Variants in FBXO3 observed in about 807,000 individuals in gnomAD.
The protein encoded by FBXO3 is F-box protein 3, also known as F-box only protein 3.
In FBXO3, 17 loss-of-function variants were observed where a neutral mutation model predicts 64.8. The ratio of observed to expected loss-of-function variants is 0.26; its 90% CI spans 0.18 to 0.39. The LOEUF is 0.39. Among genes scored for constraint, FBXO3 ranks in the 10% least tolerant of loss-of-function variants. The pLI, the probability that FBXO3 is intolerant of heterozygous loss-of-function variation, is 1.00. For synonymous variants in FBXO3, 182 were observed against 201.6 expected (o/e 0.90, Z 0.82); for missense variants, 420 against 589.9 (o/e 0.71, Z 2.98).
chr11:33,773,720 A>C (rs2133630948), intron 1 of FBXO3: 1 of 152,446 alleles, frequency 6.6e-6, no homozygotes, highest in Non-Finnish European at 1.5e-5. Flanking sequence ...GATGCTAGTA[A>C]TGTGGGAAAC....
chr11:33,754,913 T>C (rs897111181), intron 5 of FBXO3, among the ~76,000 whole-genome samples: 2 of 151,230 alleles, frequency 1.3e-5, no homozygotes, highest in Admixed American at 6.6e-5. Context: ...TTGCCCAGGC[T>C]GGAGTGCAGT....
intron 1 of FBXO3, chr11:33,773,245 G>A (rs910846889): frequency 1.6e-4 from 25 of 152,334 alleles, no homozygotes; most frequent in Admixed American, 8.5e-4. Flanking sequence ...GCAATCAAAA[G>A]TTGGAGACTG....
chr11:33,750,172 A>C (rs201766792), intron 8 of FBXO3, among the ~76,000 whole-genome samples: 4 of 149,520 alleles, frequency 2.7e-5, no homozygotes, highest in Non-Finnish European at 6.0e-5. Flanking sequence ...TAGATTTTTT[A>C]ATTGAATATA....
chr11:33,761,559 G>A (rs1855242234), intron 3 of FBXO3, among the ~76,000 whole-genome samples: 1 of 152,166 alleles, frequency 6.6e-6, no homozygotes, highest in African/African-American at 2.4e-5. Context: ...ATAAAATGGG[G>A]AAAAGATATC....
intron 6 of FBXO3, 23 bp downstream of exon 6, chr11:33,754,432 A>AT: frequency 6.4e-7 from 1 of 1,568,004 alleles, no homozygotes; most frequent in Non-Finnish European, 8.6e-7. Flanking sequence ...AGAAGGGGGA[A>AT]AAAAGACTTT....
chr11:33,762,923 G>A (rs750210446), intron 3 of FBXO3, among the ~76,000 whole-genome samples: 2 of 152,046 alleles, frequency 1.3e-5, no homozygotes, highest in Non-Finnish European at 2.9e-5. Context: ...ATTAGAAATG[G>A]AAAAGGTGGT....
chr11:33,768,649 C>A (rs1049953980), intron 3 of FBXO3: 3 of 541,136 alleles, frequency 5.5e-6, no homozygotes, highest in African/African-American at 3.8e-5. Flanking sequence ...TGATAAATAA[C>A]CATGTGGGTC....
chr11:33,769,325 C>A (rs1855454112), intron 2 of FBXO3, among the ~76,000 whole-genome samples: 2 of 151,628 alleles, frequency 1.3e-5, no homozygotes, highest in South Asian at 4.2e-4. Context: ...TAAAAATATA[C>A]CAATTATAAA....
chr11:33,742,113 G>A lies in FBXO3; in HGVS notation c.1240-29C>T, dbSNP rs1416130692. On this transcript the variant is annotated intron_variant, in intron 10 of 10. Coordinates refer to ENST00000265651, the MANE Select transcript of FBXO3 (RefSeq NM_012175.4). Reference sequence around the variant, plus strand: ...GAAAGAGAAAACAATCTTTTGATAAGAAGAGCATCTATCAGTTTTTTAGTT... The same window carrying A: ...GAAAGAGAAAACAATCTTTTGATAAAAAGAGCATCTATCAGTTTTTTAGTT... 2.7e-6 allele frequency: 4 copies of A among 1,495,276 alleles called. No homozygotes were observed. In the African/African-American group the frequency reaches 5.6e-5, roughly 21 times the overall value. 92.6% of individuals were successfully genotyped at this position (1,495,276 alleles called of 1,614,324 possible).
At chr11:33,745,905 T>C (rs955570082) in intron 10 of FBXO3, 1 of 152,002 alleles carries the variant, frequency 6.6e-6, no homozygotes, top group South Asian at 2.1e-4. Context: ...AGAGAAGATA[T>C]AAATTAACAA....
intron 3 of FBXO3, 36 bp from the exon 4 acceptor site, chr11:33,758,637 A>G: frequency 6.9e-7 from 1 of 1,454,636 alleles, no homozygotes. Flanking sequence ...TTGTGAAGAA[A>G]CAGCCTTAAA....
intron 3 of FBXO3, 84 bp downstream of exon 3, chr11:33,768,767 T>G: frequency 6.7e-7 from 1 of 1,499,730 alleles, no homozygotes; most frequent in Admixed American, 1.7e-5. Flanking sequence ...GTTGCGTAGA[T>G]GACAGAGATT....
At chr11:33,773,177 T>A (rs1202339756) in intron 1 of FBXO3, 1 of 152,054 alleles carries the variant, frequency 6.6e-6, no homozygotes, top group Admixed American at 6.5e-5. Flanking sequence ...AACATAGGGG[T>A]GTCACAGGTT....
At chr11:33,754,913 T>A (rs897111181) in intron 5 of FBXO3, among the ~76,000 whole-genome samples, 3 of 151,230 alleles carry the variant, frequency 2.0e-5, no homozygotes, top group African/African-American at 7.3e-5. Context: ...TTGCCCAGGC[T>A]GGAGTGCAGT....
rs571222003 is a variant in FBXO3, at chr11:33,755,983, G to A, written c.474-8C>T. ...GCCATGCTTCCCAATAACCTGAGGAGCATACAGACTCAAACATGTAATACA... is the reference window on the plus strand; with the variant it reads ...GCCATGCTTCCCAATAACCTGAGGAACATACAGACTCAAACATGTAATACA... On this transcript the variant is annotated splice_polypyrimidine_tract_variant and splice_region_variant and intron_variant, in intron 4 of 10. Coordinates refer to ENST00000265651, the MANE Select transcript of FBXO3 (RefSeq NM_012175.4). 6.2e-7 allele frequency: 1 copy of A among 1,612,626 alleles called. No individual in the cohort carries two copies. Among genetic ancestry groups the A allele is most frequent in the African/African-American group, 1.3e-5 (1 of 75,014 alleles).
At chr11:33,764,522 GAGA>G (rs1855320188) in intron 3 of FBXO3, among the ~76,000 whole-genome samples, 1 of 151,996 alleles carries the variant, frequency 6.6e-6, no homozygotes, top group African/African-American at 2.4e-5. Flanking sequence ...ATAATGTGAG[GAGA>G]AGGGCACTTC....
chr11:33,746,758 T>C (rs1564985705), intron 10 of FBXO3: 7 of 1,421,876 alleles, frequency 4.9e-6, no homozygotes, highest in Non-Finnish European at 5.5e-6. Flanking sequence ...TTTATAATGA[T>C]CTTTATGGAA....
chr11:33,757,500 TTA>T (rs1395621834), intron 4 of FBXO3, among the ~76,000 whole-genome samples: 1 of 133,968 alleles, frequency 7.5e-6, no homozygotes, highest in East Asian at 2.1e-4. Context: ...TAATAAAAGT[TTA>T]TAAAACAAAT....
Position 33,774,355 on chromosome 11 carries a change from C to T in FBXO3, c.104+39G>A, listed in dbSNP as rs748857367. 1.0e-5 allele frequency: 16 copies of T among 1,524,594 alleles called. No homozygotes were observed. The Admixed American group carries it at 1.1e-4, about 11-fold the overall frequency. 94.4% of individuals were successfully genotyped at this position (1,524,594 alleles called of 1,614,324 possible). A position where few individuals can be genotyped will look rare whatever the true frequency, so the allele number is the denominator to read the frequency against. ...TCCCCCTGCCTCACCGCCTCCTCTC[C>T]CCATGCCCCCACCCCTGCCATGCGT... On this transcript the variant is annotated intron_variant, in intron 1 of 10. Coordinates refer to ENST00000265651, the MANE Select transcript of FBXO3 (RefSeq NM_012175.4).
Sources: allele counts gnomAD v4.1 joint callset (sites outside exome capture counted in the v4.1 genomes callset), GRCh38; gene constraint gnomAD v4.1.1; transcripts MANE v1.5; gene names NCBI Gene and HGNC (gene_info 2026-07-23, HGNC 2026-07-21).